LAMA3: variants seen among roughly 807,000 people sequenced by gnomAD.
LAMA3 encodes laminin subunit alpha-3.
LAMA3 carries 281 observed loss-of-function variants against 402.0 expected under a neutral mutation model. The observed-to-expected ratio is 0.70, with a 90% confidence interval of 0.63 to 0.77. The LOEUF is 0.77. Ranked by LOEUF, LAMA3 falls within the 30% of genes least tolerant of loss-of-function variation. The pLI is 0.00. For synonymous variants in LAMA3, 1,431 were observed against 1,558.4 expected, an observed-to-expected ratio of 0.92 and a Z score of 1.93; for missense variants, 3,840 against 4,215.5, an observed-to-expected ratio of 0.91 and a Z score of 2.47.
intron 29 of LAMA3, 141 bp downstream of exon 29, chr18:23,842,891 CT>C: frequency 9.8e-7 from 1 of 1,018,634 alleles, no homozygotes. Flanking sequence ...TTACAGCTGT[CT>C]TTTACCCCCC....
At chr18:23,778,469 G>A (rs191828385) in intron 11 of LAMA3, among the ~76,000 whole-genome samples, 2 of 152,180 alleles carry the variant, frequency 1.3e-5, no homozygotes, top group Admixed American at 1.3e-4. Context: ...CCACTTTTAA[G>A]GGGGAGCCAT....
At chr18:23,783,256 C>T (rs557990294) in intron 11 of LAMA3, among the ~76,000 whole-genome samples, 1 of 152,126 alleles carries the variant, frequency 6.6e-6, no homozygotes, top group Admixed American at 6.5e-5. Context: ...AACACTTACA[C>T]CTCATTCTAG....
chr18:23,890,072 T>C lies in LAMA3; in HGVS notation c.5365T>C (p.Cys1789Arg). The C allele has an allele frequency of 1.9e-6, 3 of 1,614,178 alleles. No homozygotes were observed. The highest frequency in any genetic ancestry group is 2.5e-6 in the Non-Finnish European group (3 of 1,180,006). ...CGGAGGTAGCTGCCAACCATGCAGT[T>C]GTAACAGCAATGGCCAGCTGGGCAG... ...KFGGSCQPCS[C>R]NSNGQLGSCH... The change falls in exon 42 of 75, where the codon TGT (cysteine) becomes CGT (arginine). Residue 1789 changes from cysteine (C) to arginine (R), a missense_variant. By Grantham distance (180) the Cys-to-Arg change is radical. Around this residue, in one of 3 missense-constraint regions of LAMA3, gnomAD observed 2,109 missense variants for 2,376.0 expected, o/e 0.89. Coordinates refer to ENST00000313654, the MANE Select transcript of LAMA3 (RefSeq NM_198129.4).
At chr18:23,873,127 A>G (rs1319697093) in intron 38 of LAMA3, 1 of 1,614,198 alleles carries the variant, frequency 6.2e-7, no homozygotes, top group Non-Finnish European at 8.5e-7. Context: ...TGTCTGGGCT[A>G]CAGTTCACAG....
At position 23,846,422 on chromosome 18, in the gene LAMA3, G is replaced by T. The variant is rs372565107; in HGVS notation, c.3845G>T (p.Gly1282Val). 1 of 1,613,980 alleles carries T rather than the reference G, an allele frequency of 6.2e-7. No homozygotes were observed. The highest frequency in any genetic ancestry group is 1.1e-5 in the South Asian group (1 of 91,082). ...GATGPHCSPE[G>V]GQCPCQPNVI... is the part of the protein sequence containing the mutation. ...ACCGGCCCTCACTGCAGCCCTGAGG[G>T]TGGGCAGTGCCCATGCCAGCCCAAC... Residue 1282 changes from glycine (G) to valine (V), a missense_variant, in exon 31 of 75, where the codon GGT (glycine) becomes GTT (valine). Around this residue, in one of 3 missense-constraint regions of LAMA3, gnomAD observed 2,109 missense variants for 2,376.0 expected, o/e 0.89. Coordinates refer to ENST00000313654, the MANE Select transcript of LAMA3 (RefSeq NM_198129.4).
chr18:23,835,855 AT>A (rs1437382706), intron 24 of LAMA3, among the ~76,000 whole-genome samples: 5 of 152,106 alleles, frequency 3.3e-5, no homozygotes, highest in Non-Finnish European at 5.9e-5. Flanking sequence ...AGTTCTAACG[AT>A]GTTAAAAAAA....
intron 48 of LAMA3, 124 bp downstream of exon 48, chr18:23,901,447 C>A: frequency 2.6e-6 from 2 of 776,008 alleles, no homozygotes; most frequent in South Asian, 3.0e-5. Flanking sequence ...CACCTCAGAC[C>A]CAGATCAGAC....
At chr18:23,921,144 T>C in intron 61 of LAMA3, 90 bp downstream of exon 61, 1 of 1,391,912 alleles carries the variant, frequency 7.2e-7, no homozygotes, top group Non-Finnish European at 1.0e-6. Context: ...AAATAAAACT[T>C]CCTATTACCA....
chr18:23,898,088 T>C (rs2080936419), intron 44 of LAMA3, among the ~76,000 whole-genome samples: 3 of 152,300 alleles, frequency 2.0e-5, no homozygotes, highest in South Asian at 2.1e-4. Flanking sequence ...TTCCAAAAAA[T>C]GGAAAATAAT....
At chr18:23,904,958 A>G (rs1483545221) in intron 51 of LAMA3, among the ~76,000 whole-genome samples, 1 of 152,180 alleles carries the variant, frequency 6.6e-6, no homozygotes, top group Non-Finnish European at 1.5e-5. Flanking sequence ...TATATCCTAT[A>G]TCTTACCAGG....
intron 2 of LAMA3, among the ~76,000 whole-genome samples, chr18:23,732,365 C>A (rs1046131930): frequency 6.6e-6 from 1 of 152,146 alleles, no homozygotes; most frequent in African/African-American, 2.4e-5. Context: ...TCCCAAGTGA[C>A]TTTGAGGGTG....
chr18:23,748,079 C>T lies in LAMA3; in HGVS notation c.565+19C>T. 1 of 1,214,612 alleles carries T rather than the reference C, an allele frequency of 8.2e-7. No individual in the cohort carries two copies. The highest frequency in any genetic ancestry group is 1.2e-6 in the Non-Finnish European group (1 of 815,164). 75.2% of individuals were successfully genotyped at this position (1,214,612 alleles called of 1,614,324 possible). A position where few individuals can be genotyped will look rare whatever the true frequency, so the allele number is the denominator to read the frequency against. ...TTTGCTCGTAAGTAATCTTGCCTAC[C>T]ATGTTATGCATGGCTTTAATTACTT... On this transcript the variant is annotated intron_variant, in intron 3 of 74. Coordinates refer to ENST00000313654, the MANE Select transcript of LAMA3 (RefSeq NM_198129.4).
At chr18:23,907,249 A>G (rs1236641122) in intron 52 of LAMA3, among the ~76,000 whole-genome samples, 1 of 152,206 alleles carries the variant, frequency 6.6e-6, no homozygotes, top group Non-Finnish European at 1.5e-5. Context: ...CTTTTACTAA[A>G]CAGAGTCTCT....
intron 59 of LAMA3, among the ~76,000 whole-genome samples, chr18:23,916,023 A>G (rs2081603454): frequency 1.4e-5 from 2 of 145,504 alleles, no homozygotes; most frequent in African/African-American, 5.2e-5. Context: ...AAAAAAAAAA[A>G]AAAAAAAAGA....
At chr18:23,947,786 C>T (rs919339652) in intron 70 of LAMA3, among the ~76,000 whole-genome samples, 2 of 150,476 alleles carry the variant, frequency 1.3e-5, no homozygotes, top group African/African-American at 4.9e-5. Flanking sequence ...TTAATGTTTA[C>T]TTTTCTCAAC....
intron 59 of LAMA3, 77 bp from the exon 60 acceptor site, chr18:23,916,474 C>T: frequency 2.0e-6 from 3 of 1,519,310 alleles, no homozygotes; most frequent in Non-Finnish European, 2.7e-6. Flanking sequence ...CAGATAGCAA[C>T]ATCTTGTATT....
intron 1 of LAMA3, among the ~76,000 whole-genome samples, chr18:23,696,903 G>A (rs143143050): frequency 1.3e-5 from 2 of 152,260 alleles, no homozygotes; most frequent in East Asian, 3.9e-4. Context: ...CATTTTCTTT[G>A]ATCACTTGCC....
At chr18:23,722,411 T>C (rs554000893) in intron 2 of LAMA3, among the ~76,000 whole-genome samples, 2 of 152,350 alleles carry the variant, frequency 1.3e-5, no homozygotes, top group African/African-American at 4.8e-5. Flanking sequence ...TTTGTATCCA[T>C]GGGGCTTAAA....
At chr18:23,788,897 CATAT>C (rs1176329273) in intron 12 of LAMA3, among the ~76,000 whole-genome samples, 1 of 151,262 alleles carries the variant, frequency 6.6e-6, no homozygotes, top group Non-Finnish European at 1.5e-5. Context: ...CATATACACA[CATAT>C]ATATAATATA....
Sources: allele counts gnomAD v4.1 joint callset (sites outside exome capture counted in the v4.1 genomes callset), GRCh38; gene constraint gnomAD v4.1.1; regional missense constraint gnomAD v4.1.1; transcripts MANE v1.5; gene names NCBI Gene and HGNC (gene_info 2026-07-23, HGNC 2026-07-21).